The following RAPGEF2 variants were observed in gnomAD, a reference collection of about 807,000 sequenced individuals.
The protein encoded by RAPGEF2 is Rap guanine nucleotide exchange factor 2, also known as PDZ domain containing guanine nucleotide exchange factor (GEF) 1.
RAPGEF2 carries 54 observed loss-of-function variants against 186.7 expected under a neutral mutation model. The observed-to-expected ratio is 0.29, with a 90% CI of 0.23 to 0.36. RAPGEF2 has a LOEUF of 0.36. Ranked by LOEUF, RAPGEF2 falls within the 10% of genes least tolerant of loss-of-function variation. The pLI is 1.00. For missense variants in RAPGEF2, 1,532 were observed against 2,045.0 expected, an observed-to-expected ratio of 0.75 and a Z score of 4.84; for synonymous variants, 712 against 705.9, an observed-to-expected ratio of 1.01 and a Z score of -0.14.
intron 9 of RAPGEF2, among the ~76,000 whole-genome samples, chr4:159,316,588 G>A (rs906513924): frequency 6.6e-6 from 1 of 152,106 alleles, no homozygotes; most frequent in African/African-American, 2.4e-5. Context: ...CTGTTCCTCT[G>A]TTAGTTTGCT....
chr4:159,115,717 G>A (rs1228949445), intron 1 of RAPGEF2, among the ~76,000 whole-genome samples: 4 of 152,092 alleles, frequency 2.6e-5, no homozygotes, highest in Admixed American at 2.0e-4. Context: ...AAACAGCATG[G>A]TACTGGTACA....
intron 1 of RAPGEF2, among the ~76,000 whole-genome samples, chr4:159,159,432 A>T (rs1744467924): frequency 7.0e-6 from 1 of 143,774 alleles, no homozygotes; most frequent in Non-Finnish European, 1.5e-5. Flanking sequence ...GTGTTGTTCC[A>T]AGAAAATTCT....
At chr4:159,193,588 C>G (rs1326883009) in intron 3 of RAPGEF2, among the ~76,000 whole-genome samples, 2 of 152,108 alleles carry the variant, frequency 1.3e-5, no homozygotes, top group African/African-American at 4.8e-5. Context: ...CACAGCCACA[C>G]CAGATGAAAT....
In RAPGEF2 at chr4:159,127,387, T is replaced by A. The variant is rs1441351497; in HGVS notation, c.69+23156T>A. On this transcript the variant is annotated intron_variant, in intron 1 of 29. Transcript: ENST00000691494. ...CACTGCCACCATTCTCAGGGCTTTATCAGTACCCCACAAAAAACACACCTT... is the reference window on the plus strand; with the variant it reads ...CACTGCCACCATTCTCAGGGCTTTAACAGTACCCCACAAAAAACACACCTT... Among the ~76,000 whole-genome samples, 9 of 152,346 alleles carry A rather than the reference T, an allele frequency of 5.9e-5. No homozygotes were observed. The East Asian group carries it at 1.7e-3, about 29-fold the overall frequency.
Position 159,352,816 on chromosome 4 carries a change from C to G in RAPGEF2, c.3997C>G (p.Arg1333Gly), listed in dbSNP as rs554728730. The change falls in exon 27 of 30, where the codon CGC becomes GGC. Residue 1333 changes from arginine (R) to glycine (G), a missense_variant. Arg to Gly is a moderately radical substitution (Grantham distance 125, BLOSUM62 -2). Transcript: ENST00000691494. ...GCCAGTCTCACTGCACGATGAGAGG[C>G]GCCAGAGGCATTCTGTCAGCATCGT... ...SVPVSLHDER[R>G]QRHSVSIVET... 1.9e-6 allele frequency: 3 copies of G among 1,614,026 alleles called. No homozygotes were observed. The highest frequency in any genetic ancestry group is 2.5e-6 in the Non-Finnish European group (3 of 1,180,030).
At chr4:159,312,641 A>G (rs1317338202) in intron 8 of RAPGEF2, among the ~76,000 whole-genome samples, 1 of 152,194 alleles carries the variant, frequency 6.6e-6, no homozygotes, top group Non-Finnish European at 1.5e-5. Flanking sequence ...TTGAACTTTC[A>G]TAAACATTAG....
rs1730991718 is a variant in RAPGEF2, at chr4:159,350,300, A to AT, written c.3865+13dup. The AT allele has an allele frequency of 2.6e-6, 4 of 1,535,284 alleles. No homozygotes were observed. In the East Asian group the frequency reaches 9.3e-5, roughly 36 times the overall value. Reference sequence around the variant, plus strand: ...GTTCTCCAAGGAAAGGTAGAATTAAATTACTTTTTGTTTTCTTGTATTGAA... The same window carrying AT: ...GTTCTCCAAGGAAAGGTAGAATTAAATTTACTTTTTGTTTTCTTGTATTGAA... On this transcript the variant is annotated intron_variant, in intron 26 of 29. Transcript: ENST00000691494.
chr4:159,352,519 A>G, intron 26 of RAPGEF2, 166 bp from the exon 27 acceptor site: 1 of 594,020 alleles, frequency 1.7e-6, no homozygotes, highest in Non-Finnish European at 3.0e-6. Context: ...CATTAGAATA[A>G]AACATTTGTC....
chr4:159,128,204 A>G (rs1334360589), intron 1 of RAPGEF2, among the ~76,000 whole-genome samples: 4 of 152,150 alleles, frequency 2.6e-5, no homozygotes, highest in Admixed American at 2.0e-4. Flanking sequence ...TAACTTTTAC[A>G]TTACTGTCAA....
At chr4:159,116,790 T>C (rs1739097652) in intron 1 of RAPGEF2, among the ~76,000 whole-genome samples, 1 of 152,136 alleles carries the variant, frequency 6.6e-6, no homozygotes, top group African/African-American at 2.4e-5. Flanking sequence ...CTCAGTAAAC[T>C]AACACAAGAA....
chr4:159,255,261 A>T (rs980847779), intron 7 of RAPGEF2, among the ~76,000 whole-genome samples: 7 of 152,016 alleles, frequency 4.6e-5, no homozygotes, highest in Non-Finnish European at 8.8e-5. Flanking sequence ...TGTCGTTATG[A>T]TGTGTGGCCA....
chr4:159,222,246 G>C (rs1751615330), intron 4 of RAPGEF2, among the ~76,000 whole-genome samples: 1 of 152,194 alleles, frequency 6.6e-6, no homozygotes, highest in Admixed American at 6.5e-5. Context: ...CATCGCAGAT[G>C]TGCTGTACAT....
chr4:159,199,460 G>T (rs866359741), intron 3 of RAPGEF2, among the ~76,000 whole-genome samples: 1 of 147,226 alleles, frequency 6.8e-6, no homozygotes, highest in Non-Finnish European at 1.5e-5. Context: ...CATTTAGTCT[G>T]TTCCCGATGG....
chr4:159,353,734 G>C lies in RAPGEF2; in HGVS notation c.4339G>C (p.Ala1447Pro). ...HTHFDYSGDP[A>P]GLWASSSHMD... ...TCACTTTGATTATTCAGGGGATCCT[G>C]CAGGTTTATGGGCATCAAGCAGCCA... The change falls in exon 28 of 30, where the codon GCA becomes CCA. Residue 1447 changes from alanine (A) to proline (P), a missense_variant. Physicochemically the swap from Ala to Pro is conservative, Grantham distance 27. Coordinates refer to ENST00000691494, the MANE Select transcript of RAPGEF2 (RefSeq NM_001394067.2). This position sits in a 1 kb window ranked among gnomAD's most constrained non-coding sequence, Gnocchi z 4.3. 6.2e-7 allele frequency: 1 copy of C among 1,611,128 alleles called. No homozygotes were observed. The highest frequency in any genetic ancestry group is 1.7e-4 in the Middle Eastern group (1 of 6,034).
intron 7 of RAPGEF2, among the ~76,000 whole-genome samples, chr4:159,269,805 G>T (rs982080920): frequency 1.3e-5 from 2 of 152,110 alleles, no homozygotes; most frequent in African/African-American, 4.8e-5. Context: ...AAGGCCAGAA[G>T]TTTGCTACTA....
At chr4:159,313,693 A>T (rs1764219744) in intron 8 of RAPGEF2, among the ~76,000 whole-genome samples, 1 of 152,082 alleles carries the variant, frequency 6.6e-6, no homozygotes, top group South Asian at 2.1e-4. Flanking sequence ...TTAATATTTC[A>T]TTTGGAAAAA....
rs750406009 is a variant in RAPGEF2 at position 159,122,659 on chromosome 4, C to T, written c.69+18428C>T. ...TTTTGTAGCCACCTCCTGTTGCTTT[C>T]GTGTCATGAGTATGGTTACTCATCT... On this transcript the variant is annotated intron_variant, in intron 1 of 29. Transcript: ENST00000691494. Among the ~76,000 whole-genome samples, 22 of 152,228 alleles carry T rather than the reference C, an allele frequency of 1.4e-4. No homozygotes were observed. In the East Asian group the frequency reaches 1.7e-3, roughly 12 times the overall value.
At position 159,198,286 on chromosome 4, in the gene RAPGEF2, CTTTCTTTCTTTCT is replaced by C. The variant is rs1748948117; in HGVS notation, c.197+5033_197+5045del. 1.0e-4 allele frequency among the ~76,000 whole-genome samples: 2 copies of C among 20,050 alleles called. 1 individual carries two copies. Among genetic ancestry groups the C allele is most frequent in the African/African-American group, 3.0e-4 (2 of 6,704 alleles). The allele number at this position is 20,050 out of a possible 152,430, so 13.2% of individuals were successfully genotyped here. A position where few individuals can be genotyped will look rare whatever the true frequency, so the allele number is the denominator to read the frequency against. ...TCTTTCTTTCCTTCTTTCTTTCTTTCTTTCTTTCTTTCTTTCTTTCTTTCTTTCTTTCTTTCTT... is the reference window on the plus strand; with the variant it reads ...TCTTTCTTTCCTTCTTTCTTTCTTTCTTCTTTCTTTCTTTCTTTCTTTCTT... On this transcript the variant is annotated intron_variant, in intron 3 of 29. Transcript: ENST00000691494.
rs1443064204 is a variant in RAPGEF2 at position 159,331,616 on chromosome 4, C to T, written c.1576-14C>T. 6.2e-7 allele frequency: 1 copy of T among 1,613,892 alleles called. No homozygotes were observed. ...TGTTCTTGAGTTGACACTACTGTTT[C>T]TGAACTCTTAAAGAAAATGGGTGGA... On this transcript the variant is annotated splice_polypyrimidine_tract_variant and intron_variant, in intron 14 of 29. Transcript: ENST00000691494.
Sources: allele counts gnomAD v4.1 joint callset (sites outside exome capture counted in the v4.1 genomes callset), GRCh38; gene constraint gnomAD v4.1.1; non-coding constraint Gnocchi (gnomAD v3.1); transcripts MANE v1.5; gene names NCBI Gene and HGNC (gene_info 2026-07-23, HGNC 2026-07-21).